The following KLHL13 variants were observed in gnomAD, a reference collection of about 807,000 sequenced individuals.
KLHL13 encodes the protein kelch-like protein 13.
Under a neutral mutation model 37.1 loss-of-function variants are expected in KLHL13, and 10 were observed. The ratio of observed to expected loss-of-function variants is 0.27; its 90% CI spans 0.17 to 0.46. The LOEUF is 0.46. Among genes scored for constraint, KLHL13 ranks in the 20% least tolerant of loss-of-function variants. The pLI is 1.00. For missense variants in KLHL13, 360 were observed against 509.3 expected (o/e 0.71, Z 2.82); for synonymous variants, 163 against 181.2 (o/e 0.90, Z 0.81).
chrX:117,995,526 C>T (rs1309008621), intron 1 of KLHL13, among the ~76,000 whole-genome samples: 1 of 111,329 alleles, frequency 9.0e-6, no homozygotes, highest in African/African-American at 3.3e-5. Flanking sequence ...TGGTTTGCTG[C>T]ACCTATCAAG....
intron 6 of KLHL13, among the ~76,000 whole-genome samples, chrX:117,901,131 A>C (rs897231669): frequency 1.8e-5 from 2 of 111,793 alleles, no homozygotes; most frequent in African/African-American, 6.5e-5. Flanking sequence ...AAGGAAACCC[A>C]TATTATGGAC....
chrX:117,908,461 A>G (rs887700496), intron 5 of KLHL13, among the ~76,000 whole-genome samples: 2 of 109,972 alleles, frequency 1.8e-5, no homozygotes, highest in African/African-American at 6.6e-5. Flanking sequence ...TATTTATAAT[A>G]GAGAATAAAA....
At chrX:117,900,982 G>C in intron 6 of KLHL13, among the ~76,000 whole-genome samples, 1 of 111,509 alleles carries the variant, frequency 9.0e-6, no homozygotes, top group South Asian at 3.8e-4. Context: ...TTGCTACTGG[G>C]ACACTGTGAA....
chrX:117,975,120 G>T (rs1021571930), upstream of KLHL13, among the ~76,000 whole-genome samples: 4 of 109,920 alleles, frequency 3.6e-5, no homozygotes, highest in Non-Finnish European at 5.7e-5. Context: ...TAGCAAAAAG[G>T]CCTCAGGTAT....
chrX:117,984,305 C>T (rs1378982671), intron 1 of KLHL13, among the ~76,000 whole-genome samples: 1 of 111,222 alleles, frequency 9.0e-6, no homozygotes, highest in East Asian at 2.8e-4. Flanking sequence ...TTAAAGTATG[C>T]TGGCAAATGT....
intron 1 of KLHL13, among the ~76,000 whole-genome samples, chrX:118,061,048 G>A (rs2054735072): frequency 9.0e-6 from 1 of 111,126 alleles, no homozygotes; most frequent in Non-Finnish European, 1.9e-5. Flanking sequence ...GGTGGGGTTG[G>A]GACTTCAACA....
chrX:118,114,045 A>G (rs1012784349), intron 1 of KLHL13, among the ~76,000 whole-genome samples: 1 of 112,337 alleles, frequency 8.9e-6, no homozygotes, highest in Non-Finnish European at 1.9e-5. Flanking sequence ...GTCTTTCCAC[A>G]TTTTCTGAAA....
intron 2 of KLHL13, among the ~76,000 whole-genome samples, chrX:117,922,393 T>C (rs1931760406): frequency 8.9e-6 from 1 of 111,746 alleles, no homozygotes; most frequent in South Asian, 3.7e-4. Flanking sequence ...GTTGAGAGAC[T>C]AGCATCTTTG....
upstream of KLHL13, among the ~76,000 whole-genome samples, chrX:117,978,651 C>A (rs1463852783): frequency 9.0e-6 from 1 of 110,879 alleles, no homozygotes. Context: ...TTGTTGGGGA[C>A]CCGATGATCC....
At chrX:117,978,894 G>A (rs1225306911) in intron 1 of KLHL13, among the ~76,000 whole-genome samples, 1 of 106,836 alleles carries the variant, frequency 9.4e-6, no homozygotes. Context: ...TGTATGCTTG[G>A]GGTTGTGGTA....
intron 2 of KLHL13, among the ~76,000 whole-genome samples, chrX:117,938,628 A>C (rs1932890110): frequency 8.9e-6 from 1 of 111,757 alleles, no homozygotes; most frequent in Non-Finnish European, 1.9e-5. Flanking sequence ...TTTCTAGTAA[A>C]TTTTAAAAAT....
At chrX:118,100,497 T>G (rs2055276008) in intron 1 of KLHL13, among the ~76,000 whole-genome samples, 1 of 111,906 alleles carries the variant, frequency 8.9e-6, no homozygotes, top group South Asian at 3.7e-4. Flanking sequence ...TATCATGTTT[T>G]TGCTTTTGAG....
chrX:117,931,334 T>C (rs1447910600), intron 2 of KLHL13, among the ~76,000 whole-genome samples: 3 of 112,011 alleles, frequency 2.7e-5, no homozygotes, highest in Non-Finnish European at 3.8e-5. Flanking sequence ...GTATCGCCAG[T>C]AATCAGGAAA....
At chrX:118,003,189 A>G (rs772215035) in intron 1 of KLHL13, among the ~76,000 whole-genome samples, 5 of 112,248 alleles carry the variant, frequency 4.5e-5, no homozygotes, top group Non-Finnish European at 7.5e-5. Flanking sequence ...TTACTGTGCA[A>G]TAGGTTTTTA....
intron 4 of KLHL13, among the ~76,000 whole-genome samples, chrX:117,915,280 G>A (rs976553572): frequency 7.1e-5 from 8 of 112,013 alleles, no homozygotes; most frequent in Non-Finnish European, 1.3e-4. Flanking sequence ...CAGAGGCAAA[G>A]CAAAAGGAAC....
At position 118,045,030 on chromosome X, in the gene KLHL13, TA is replaced by T. The variant is rs770719665; in HGVS notation, c.-56+71477del. Among the ~76,000 whole-genome samples the T allele has an allele frequency of 1.1e-4, 12 of 111,718 alleles. No homozygotes were observed. The East Asian group carries it at 3.1e-3, about 29-fold the overall frequency. On this transcript the variant is annotated intron_variant, in intron 1 of 6. Transcript: ENST00000371882. ...ACAAGTGATTAATAACCAAAATATG[TA>T]AGGAGCTCAGCAACTCTATAGAAAA... is the stretch of plus-strand genomic sequence containing the variant.
upstream of KLHL13, among the ~76,000 whole-genome samples, chrX:117,975,641 T>C (rs535706954): frequency 1.8e-5 from 2 of 112,162 alleles, no homozygotes; most frequent in Non-Finnish European, 3.8e-5. Context: ...TCCACCCGAC[T>C]TGGCCTCCCA....
At chrX:118,048,150 G>A (rs866512513) in intron 1 of KLHL13, among the ~76,000 whole-genome samples, 36 of 111,461 alleles carry the variant, frequency 3.2e-4, no homozygotes, top group African/African-American at 9.8e-4. Flanking sequence ...ATAGAGAGTA[G>A]AGAAATGGGT....
At chrX:118,042,971 G>C (rs2054520774) in intron 1 of KLHL13, among the ~76,000 whole-genome samples, 2 of 106,830 alleles carry the variant, frequency 1.9e-5, no homozygotes, top group African/African-American at 6.8e-5. Context: ...TTTTTGAAAA[G>C]AGAAACAAAA....
Sources: gnomAD v4.1 joint callset for allele counts (sites outside exome capture counted in the v4.1 genomes callset) on GRCh38, gnomAD v4.1.1 for gene constraint, MANE v1.5 for transcripts, NCBI Gene and HGNC (gene_info 2026-07-23, HGNC 2026-07-21) for gene names.